Variants in ANKUB1 observed in about 807,000 individuals in gnomAD.
ANKUB1 encodes the protein ankyrin repeat and ubiquitin domain containing 1.
ANKUB1 carries 42 observed loss-of-function variants against 49.3 expected under a neutral mutation model. The ratio of observed to expected loss-of-function variants is 0.85; its 90% CI spans 0.67 to 1.10. The LOEUF (loss-of-function observed/expected upper bound fraction) is 1.10. Ranked by LOEUF, ANKUB1 falls within the 50% of genes least tolerant of loss-of-function variation. The pLI is 0.00. For missense variants in ANKUB1, 613 were observed against 642.0 expected, an observed-to-expected ratio of 0.95 and a Z score of 0.49; for synonymous variants, 222 against 231.0, an observed-to-expected ratio of 0.96 and a Z score of 0.35.
chr3:149,769,303 C>A (rs1717219439), intron 4 of ANKUB1, among the ~76,000 whole-genome samples: 1 of 152,206 alleles, frequency 6.6e-6, no homozygotes, highest in Admixed American at 6.5e-5. Flanking sequence ...TCTGAACCAA[C>A]CCTCCTCCTG....
Position 149,790,842 on chromosome 3 carries a change from T to C in ANKUB1, c.173A>G (p.Asp58Gly). The C allele has an allele frequency of 1.3e-6, 2 of 1,552,138 alleles. No homozygotes were observed. Among genetic ancestry groups the C allele is most frequent in the Non-Finnish European group, 1.7e-6 (2 of 1,147,056 alleles). The part of the protein sequence containing the change: ...ELMYAGAALK[D>G]SWSLADVGIS... Reference sequence around the variant, plus strand: ...TCCAACATCAGCAAGACTCCAACTGTCCTTTAGAGCAGCTCCAGCATACAT... The same window carrying C: ...TCCAACATCAGCAAGACTCCAACTGCCCTTTAGAGCAGCTCCAGCATACAT... Residue 58 changes from aspartate (D) to glycine (G), a missense_variant, in exon 2 of 6, where the codon GAC becomes GGC. Asp to Gly is a moderately conservative substitution (Grantham distance 94). Transcript: ENST00000446160.
chr3:149,767,076 T>C (rs183874433), intron 5 of ANKUB1, 81 bp downstream of exon 5: 1 of 1,299,034 alleles, frequency 7.7e-7, no homozygotes, highest in East Asian at 2.5e-5. Flanking sequence ...AGTGGCATAG[T>C]AGGGCATTAT....
intron 2 of ANKUB1, among the ~76,000 whole-genome samples, chr3:149,784,463 A>G (rs572171054): frequency 6.6e-6 from 1 of 152,146 alleles, no homozygotes; most frequent in Admixed American, 6.6e-5. Context: ...AGGCAATGGC[A>G]TTTCTGAAGT....
chr3:149,784,653 C>G (rs1469481180), intron 2 of ANKUB1, among the ~76,000 whole-genome samples: 2 of 152,164 alleles, frequency 1.3e-5, no homozygotes, highest in African/African-American at 2.4e-5. Context: ...CTTTTCAATA[C>G]TTATTTTCTG....
chr3:149,782,268 AT>A (rs1038285803), intron 2 of ANKUB1, among the ~76,000 whole-genome samples: 5 of 151,472 alleles, frequency 3.3e-5, no homozygotes, highest in East Asian at 1.9e-4. Context: ...TAAAAAAAAA[AT>A]TTTTTTTTAG....
chr3:149,784,724 G>A lies in ANKUB1; in HGVS notation c.235-4269C>T, dbSNP rs528842626. Among the ~76,000 whole-genome samples, 71 of 152,270 alleles carry A rather than the reference G, an allele frequency of 4.7e-4. No individual in the cohort carries two copies. In the South Asian group the frequency reaches 0.015, roughly 31 times the overall value. On this transcript the variant is annotated intron_variant, in intron 2 of 5. Transcript: ENST00000446160. ...ACTAAGAACCATGATGTTGGTCAGG[G>A]GAAAAGCCAAGAATACTGGGGAGTG...
At chr3:149,770,740 T>G (rs1717318859) in intron 3 of ANKUB1, 66 bp from the exon 4 acceptor site, 1 of 962,644 alleles carries the variant, frequency 1.0e-6, no homozygotes, top group Non-Finnish European at 1.5e-6. Flanking sequence ...CCATAAAACT[T>G]CTAATGGTAG....
intron 3 of ANKUB1, among the ~76,000 whole-genome samples, chr3:149,776,723 G>C (rs538467662): frequency 6.6e-6 from 1 of 152,270 alleles, no homozygotes; most frequent in Admixed American, 6.5e-5. Flanking sequence ...CACTTTGGGA[G>C]GCCAAGGTGG....
At chr3:149,787,117 C>G (rs532496110) in intron 2 of ANKUB1, among the ~76,000 whole-genome samples, 1 of 152,052 alleles carries the variant, frequency 6.6e-6, no homozygotes. Flanking sequence ...AAGAAAGTCA[C>G]TGGTAGCTTG....
intron 5 of ANKUB1, among the ~76,000 whole-genome samples, chr3:149,763,453 A>G (rs1428861879): frequency 1.3e-5 from 2 of 152,234 alleles, no homozygotes; most frequent in African/African-American, 4.8e-5. Flanking sequence ...ACAAAAGGTG[A>G]TTAAAACATA....
intron 3 of ANKUB1, chr3:149,779,909 C>T (rs1717780530): frequency 1.0e-5 from 3 of 293,134 alleles, no homozygotes; most frequent in Non-Finnish European, 2.0e-5. Flanking sequence ...ACAGAGGTTT[C>T]CATTTAGAAA....
intron 1 of ANKUB1, among the ~76,000 whole-genome samples, chr3:149,791,910 A>G (rs914480808): frequency 6.6e-6 from 1 of 152,156 alleles, no homozygotes; most frequent in Non-Finnish European, 1.5e-5. Context: ...CAAATAAGAC[A>G]TTTATCTGAT....
chr3:149,786,459 T>C (rs545663119), intron 2 of ANKUB1, among the ~76,000 whole-genome samples: 2 of 152,354 alleles, frequency 1.3e-5, no homozygotes, highest in African/African-American at 4.8e-5. Flanking sequence ...TTGTTTAAGT[T>C]CTTTGTAGAT....
At position 149,770,686 on chromosome 3, in the gene ANKUB1, G is replaced by C. The variant is rs771726379; in HGVS notation, c.452-12C>G. On this transcript the variant is annotated splice_polypyrimidine_tract_variant and intron_variant, in intron 3 of 5. Coordinates refer to ENST00000446160, the MANE Select transcript of ANKUB1 (RefSeq NM_001144960.3). ...GCGAAGTGTTGTGCCTGTGGATCAA[G>C]AGAGGTGGTTTATGGTTCCAGTCCA... The C allele has an allele frequency of 1.3e-6, 2 of 1,505,508 alleles. No homozygotes were observed. Among genetic ancestry groups the C allele is most frequent in the South Asian group, 2.5e-5 (2 of 80,998 alleles). The allele number at this position is 1,505,508 out of a possible 1,614,324, so 93.3% of individuals were successfully genotyped here. A position where few individuals can be genotyped will look rare whatever the true frequency, so the allele number is the denominator to read the frequency against.
intron 3 of ANKUB1, 30 bp downstream of exon 3, chr3:149,780,209 G>C (rs542297707): frequency 6.5e-7 from 1 of 1,536,570 alleles, no homozygotes; most frequent in Non-Finnish European, 8.8e-7. Context: ...GTGCCAAATG[G>C]TAGCTGATAT....
At chr3:149,781,405 T>C (rs181276754) in intron 2 of ANKUB1, among the ~76,000 whole-genome samples, 111 of 152,324 alleles carry the variant, frequency 7.3e-4, no homozygotes, top group African/African-American at 2.1e-3. Flanking sequence ...AAACTGACTT[T>C]ACTTCCTCTT....
At chr3:149,771,118 A>G (rs781758368) in intron 3 of ANKUB1, among the ~76,000 whole-genome samples, 7 of 152,214 alleles carry the variant, frequency 4.6e-5, no homozygotes, top group Non-Finnish European at 8.8e-5. Context: ...TGCTTGTTCT[A>G]TCCTTTATGA....
chr3:149,780,508 C>T, intron 2 of ANKUB1, 53 bp from the exon 3 acceptor site: 1 of 1,383,982 alleles, frequency 7.2e-7, no homozygotes, highest in Admixed American at 2.0e-5. Flanking sequence ...AGATGAGGGC[C>T]AAGCATTTCA....
At chr3:149,781,091 G>C (rs1318655035) in intron 2 of ANKUB1, among the ~76,000 whole-genome samples, 2 of 149,716 alleles carry the variant, frequency 1.3e-5, no homozygotes, top group Non-Finnish European at 3.0e-5. Flanking sequence ...CTCCCATAGT[G>C]TTGGGATTAC....
Sources: gnomAD v4.1 joint callset for allele counts (sites outside exome capture counted in the v4.1 genomes callset) on GRCh38, gnomAD v4.1.1 for gene constraint, MANE v1.5 for transcripts, NCBI Gene and HGNC (gene_info 2026-07-23, HGNC 2026-07-21) for gene names.